AGGF1: variants seen among roughly 807,000 people sequenced by gnomAD.
AGGF1 encodes the protein angiogenic factor with G-patch and FHA domains 1, also known as angiogenic factor with G patch and FHA domains 1.
Under a neutral mutation model 86.5 loss-of-function variants are expected in AGGF1, and 56 were observed. That is an observed-to-expected ratio of 0.65 (90% CI 0.52 to 0.81). The LOEUF (loss-of-function observed/expected upper bound fraction) is 0.81, where lower values mean the gene tolerates loss of function less well. Ranked by LOEUF, AGGF1 falls within the 30% of genes least tolerant of loss-of-function variation. AGGF1 has a pLI of 0.00. For missense variants in AGGF1, 816 were observed against 850.9 expected, an observed-to-expected ratio of 0.96 and a Z score of 0.51; for synonymous variants, 313 against 297.1, an observed-to-expected ratio of 1.05 and a Z score of -0.55.
chr5:77,053,906 TGTAAG>T, intron 9 of AGGF1, 54 bp from the exon 10 acceptor site: 10 of 1,524,716 alleles, frequency 6.6e-6, no homozygotes, highest in South Asian at 2.2e-5. Context: ...TTACAGTAGA[TGTAAG>T]GTAACCATAA....
At position 77,036,595 on chromosome 5, in the gene AGGF1, G is replaced by C; in HGVS notation, c.556G>C (p.Glu186Gln). The C allele has an allele frequency of 6.2e-7, 1 of 1,614,130 alleles. No homozygotes were observed. Among genetic ancestry groups the C allele is most frequent in the Non-Finnish European group, 8.5e-7 (1 of 1,180,006 alleles). Residue 186 changes from glutamate (E) to glutamine (Q), a missense_variant, in exon 4 of 14, where the codon GAA (glutamate) becomes CAA (glutamine). Glu to Gln is a conservative substitution (Grantham distance 29, BLOSUM62 2). Around this residue, in one of 3 missense-constraint regions of AGGF1, gnomAD observed 240 missense variants for 234.4 expected, o/e 1.02. Transcript: ENST00000312916. ...SALATEDTSL[E>Q]GSSLAESLRA... ...ATTAGCAACAGAAGATACCTCCTTA[G>C]AAGGCTCATCATTAGCTGAAAGTTT...
Position 77,055,477 on chromosome 5 carries a change from T to C in AGGF1, c.1634-37T>C, listed in dbSNP as rs756751473. 1.2e-5 allele frequency: 16 copies of C among 1,347,438 alleles called. No homozygotes were observed. In the Admixed American group the frequency reaches 1.7e-4, roughly 14 times the overall value. The allele number at this position is 1,347,438 out of a possible 1,614,324, so 83.5% of individuals were successfully genotyped here. ...TTTTAATTTTGTACAAAATCAGATT[T>C]AGTGGCTTTTTTTTAACCAAACTTT... is the stretch of plus-strand genomic sequence containing the variant. On this transcript the variant is annotated intron_variant, in intron 10 of 13. Transcript: ENST00000312916.
chr5:77,037,322 G>C (rs564952674), intron 4 of AGGF1, among the ~76,000 whole-genome samples: 1 of 152,272 alleles, frequency 6.6e-6, no homozygotes, highest in East Asian at 1.9e-4. Flanking sequence ...ATAGAGAAGT[G>C]AGGTTAATTT....
chr5:77,058,633 C>A (rs563307531), intron 11 of AGGF1, among the ~76,000 whole-genome samples: 1 of 152,192 alleles, frequency 6.6e-6, no homozygotes, highest in African/African-American at 2.4e-5. Context: ...CTATATTTTT[C>A]TTCTCTTTTT....
At chr5:77,034,604 C>A in intron 2 of AGGF1, 84 bp downstream of exon 2, 1 of 963,594 alleles carries the variant, frequency 1.0e-6, no homozygotes, top group African/African-American at 1.6e-5. Context: ...TTAAAATAAA[C>A]AAAGATCAAG....
At chr5:77,046,311 T>C in intron 5 of AGGF1, 36 bp from the exon 6 acceptor site, 1 of 1,519,172 alleles carries the variant, frequency 6.6e-7, no homozygotes, top group Non-Finnish European at 9.1e-7. Context: ...AAGAGTATTC[T>C]CCCCTGTTCC....
In AGGF1 at chr5:77,046,676, A is replaced by G; in HGVS notation, c.1200A>G (p.Glu400=). 6.2e-7 allele frequency: 1 copy of G among 1,613,420 alleles called. No homozygotes were observed. Among genetic ancestry groups the G allele is most frequent in the Non-Finnish European group, 8.5e-7 (1 of 1,179,464 alleles). Residue 400 remains glutamate (E), a splice_region_variant and synonymous_variant, in exon 6 of 14, where the codon GAA becomes GAG. Coordinates refer to ENST00000312916, the MANE Select transcript of AGGF1 (RefSeq NM_018046.5). ...TAACTGCAGAAGATAGTGAGGATGAAGGTGAGTAAATAATCATTATTTAAG... is the reference window on the plus strand; with the variant it reads ...TAACTGCAGAAGATAGTGAGGATGAGGGTGAGTAAATAATCATTATTTAAG... ...GNVTAEDSED[E]DEDKIWPPCI...
rs766203036 is a variant in AGGF1 at position 77,061,670 on chromosome 5, A to G, written c.1845-33A>G. 46 of 1,567,170 alleles carry G rather than the reference A, an allele frequency of 2.9e-5. No individual in the cohort carries two copies. The East Asian group carries it at 7.0e-4, about 24-fold the overall frequency. On this transcript the variant is annotated intron_variant, in intron 12 of 13. Coordinates refer to ENST00000312916, the MANE Select transcript of AGGF1 (RefSeq NM_018046.5). ...ATAAATGTGACCTAAAAGATCTTTT[A>G]TAAATCAACTATCATTTTAATATTC...
intron 5 of AGGF1, among the ~76,000 whole-genome samples, chr5:77,040,630 GA>G (rs1316978111): frequency 6.6e-6 from 1 of 152,180 alleles, no homozygotes; most frequent in Non-Finnish European, 1.5e-5. Context: ...TAAATTGAAA[GA>G]AGGAAAATAT....
At chr5:77,045,379 A>G (rs114454931) in intron 5 of AGGF1, among the ~76,000 whole-genome samples, 1,670 of 152,350 alleles carry the variant, frequency 0.011, 35 homozygotes, top group African/African-American at 0.038. Flanking sequence ...AATTAGCTCA[A>G]TTTAACCACT....
chr5:77,037,980 A>G (rs1046411667), intron 4 of AGGF1, among the ~76,000 whole-genome samples: 4 of 152,212 alleles, frequency 2.6e-5, no homozygotes, highest in African/African-American at 9.7e-5. Context: ...ACATACCTCA[A>G]ACTCAAGAAT....
At chr5:77,033,184 A>G (rs1208800478) in intron 1 of AGGF1, among the ~76,000 whole-genome samples, 1 of 152,226 alleles carries the variant, frequency 6.6e-6, no homozygotes, top group African/African-American at 2.4e-5. Context: ...ATTAACTGTC[A>G]TTCCAAATTA....
chr5:77,036,514 C>T (rs756489080), intron 3 of AGGF1, 42 bp from the exon 4 acceptor site: 13 of 1,609,104 alleles, frequency 8.1e-6, no homozygotes, highest in Middle Eastern at 3.3e-4. Flanking sequence ...AATTGATATA[C>T]AGAAGCTTTT....
chr5:77,039,811 C>CTGA, intron 5 of AGGF1, 92 bp downstream of exon 5: 1 of 1,126,772 alleles, frequency 8.9e-7, no homozygotes. Flanking sequence ...CATTCAATAA[C>CTGA]TCTGCATTTC....
At chr5:77,034,269 A>G (rs545653886) in intron 1 of AGGF1, 149 bp from the exon 2 acceptor site, 35 of 637,960 alleles carry the variant, frequency 5.5e-5, no homozygotes, top group African/African-American at 2.0e-4. Context: ...AAATGTATAA[A>G]GTAAAATAAT....
chr5:77,042,126 G>C lies in AGGF1; in HGVS notation c.870+2407G>C, dbSNP rs1443590048. 5.9e-5 allele frequency among the ~76,000 whole-genome samples: 9 copies of C among 151,990 alleles called. No homozygotes were observed. The South Asian group carries it at 1.9e-3, about 31-fold the overall frequency. On this transcript the variant is annotated intron_variant, in intron 5 of 13. Coordinates refer to ENST00000312916, the MANE Select transcript of AGGF1 (RefSeq NM_018046.5). ...ACATGTTTCAGAGAGCACAGGGTTG[G>C]GGGTAAGGTCACAGATCAACAGGAT...
rs1032556583 is a variant in AGGF1 at position 77,063,249 on chromosome 5, G to A, written c.2142G>A (p.Glu714=). 3.1e-6 allele frequency: 5 copies of A among 1,612,280 alleles called. No individual in the cohort carries two copies. The African/African-American group carries it at 6.7e-5, about 22-fold the overall frequency. The stretch of plus-strand genomic sequence containing the variant: ...TGCCTTGGGTAAAAGGGACTTTAGA[G>A]TGAAGGCTAATCATAGAAAAAAAAC... ...GTMPWVKGTL[E] is the part of the protein sequence containing the mutation. The change falls in exon 14 of 14, where the codon GAG becomes GAA. Residue 714 remains glutamate, a synonymous_variant. Coordinates refer to ENST00000312916, the MANE Select transcript of AGGF1 (RefSeq NM_018046.5).
intron 8 of AGGF1, among the ~76,000 whole-genome samples, chr5:77,050,335 T>TA (rs1315489923): frequency 3.8e-5 from 3 of 79,880 alleles, no homozygotes; most frequent in African/African-American, 8.4e-5. Flanking sequence ...TTTTTTTTTT[T>TA]ATAGAGACAG....
chr5:77,055,731 G>T, intron 11 of AGGF1, 135 bp downstream of exon 11: 1 of 625,714 alleles, frequency 1.6e-6, no homozygotes, highest in Non-Finnish European at 2.8e-6. Flanking sequence ...TTAGTTTACT[G>T]TTCTGGTATT....
Sources: gnomAD v4.1 joint callset for allele counts (sites outside exome capture counted in the v4.1 genomes callset) on GRCh38, gnomAD v4.1.1 for gene constraint, gnomAD v4.1.1 regional missense constraint, MANE v1.5 for transcripts, NCBI Gene and HGNC (gene_info 2026-07-23, HGNC 2026-07-21) for gene names.